The following TNRC6A variants were observed in gnomAD, a reference collection of about 807,000 sequenced individuals.
TNRC6A encodes the protein trinucleotide repeat containing adaptor 6A.
In TNRC6A, 44 loss-of-function variants were observed where a neutral mutation model predicts 221.2. The ratio of observed to expected loss-of-function variants is 0.20; its 90% CI spans 0.16 to 0.26. The LOEUF is 0.26. TNRC6A is among the 10% of genes least tolerant of loss of function. The pLI, the probability that TNRC6A is intolerant of heterozygous loss-of-function variation, is 1.00. For synonymous variants in TNRC6A, 847 were observed against 838.5 expected, an observed-to-expected ratio of 1.01 and a Z score of -0.18; for missense variants, 2,199 against 2,404.4, an observed-to-expected ratio of 0.91 and a Z score of 1.79.
At chr16:24,712,411 G>T (rs73548909) in intron 2 of TNRC6A, among the ~76,000 whole-genome samples, 11,933 of 152,230 alleles carry the variant, frequency 0.078, 1,119 homozygotes, top group East Asian at 0.35. Context: ...TTGGTAAATA[G>T]ATCATATGAC....
chr16:24,695,395 T>C (rs2055837609), intron 2 of TNRC6A, among the ~76,000 whole-genome samples: 1 of 152,082 alleles, frequency 6.6e-6, no homozygotes, highest in African/African-American at 2.4e-5. Flanking sequence ...TTTATACATA[T>C]ATATATTTTT....
At chr16:24,641,843 T>C (rs960154037) in intron 2 of TNRC6A, among the ~76,000 whole-genome samples, 1 of 152,256 alleles carries the variant, frequency 6.6e-6, no homozygotes, top group Non-Finnish European at 1.5e-5. Context: ...ATACATCAAG[T>C]GAATTAAACA....
intron 2 of TNRC6A, among the ~76,000 whole-genome samples, chr16:24,675,698 CTCTCTATATATATATATATATATA>C (rs1426818651): frequency 3.0e-5 from 2 of 66,600 alleles, no homozygotes; most frequent in African/African-American, 6.3e-5. Flanking sequence ...CTCTCTCTCT[CTCTCTATATATATATATATATATA>C]TATATATATA....
In TNRC6A at chr16:24,815,306, G is replaced by C; in HGVS notation, c.4831+1G>C. The C allele has an allele frequency of 6.2e-7, 1 of 1,614,094 alleles. No individual in the cohort carries two copies. The highest frequency in any genetic ancestry group is 8.5e-7 in the Non-Finnish European group (1 of 1,179,960). On this transcript the variant is annotated splice_donor_variant, in intron 19 of 24. Coordinates refer to ENST00000395799, the MANE Select transcript of TNRC6A (RefSeq NM_014494.4). LOFTEE classifies it high-confidence loss of function. ...TCTAGCAGTGTTAATTGGCCACCAG[G>C]TAAAATTTTTTCTAACACTTTCTTT...
At chr16:24,758,082 G>A (rs979104650) in intron 3 of TNRC6A, among the ~76,000 whole-genome samples, 5 of 152,170 alleles carry the variant, frequency 3.3e-5, no homozygotes, top group African/African-American at 9.7e-5. Context: ...GTCATACAGT[G>A]ATGTCTTCTA....
At chr16:24,641,477 C>T (rs960186487) in intron 2 of TNRC6A, among the ~76,000 whole-genome samples, 4 of 152,002 alleles carry the variant, frequency 2.6e-5, no homozygotes, top group Non-Finnish European at 4.4e-5. Flanking sequence ...CTGCTGGATC[C>T]GTATGGCATC....
chr16:24,790,572 ACTG>A lies in TNRC6A; in HGVS notation c.1931_1933del (p.Thr644_Glu645delinsLys). ...GACGTTTACAAATGGATGGAAATCT[ACTG>A]AGGAAGAGGATCAGGGTTCTGCCAC... On this transcript the variant is annotated inframe_deletion, in exon 6 of 25. Transcript: ENST00000395799. 6.2e-7 allele frequency: 1 copy of A among 1,614,252 alleles called. No individual in the cohort carries two copies. Among genetic ancestry groups the A allele is most frequent in the Non-Finnish European group, 8.5e-7 (1 of 1,180,052 alleles).
In TNRC6A at chr16:24,823,829, G is replaced by T. The variant is rs980334569; in HGVS notation, c.*22G>T. The T allele has an allele frequency of 7.3e-7, 1 of 1,372,388 alleles. No individual in the cohort carries two copies. Among genetic ancestry groups the T allele is most frequent in the Non-Finnish European group, 9.5e-7 (1 of 1,058,082 alleles). The allele number at this position is 1,372,388 out of a possible 1,614,324, so 85.0% of individuals were successfully genotyped here. A position where few individuals can be genotyped will look rare whatever the true frequency, so the allele number is the denominator to read the frequency against. Reference sequence around the variant, plus strand: ...GTAACAGTGTAGATGCAGACTCACCGACCGGGACCTCAGACGCGAGGGAAA... The same window carrying T: ...GTAACAGTGTAGATGCAGACTCACCTACCGGGACCTCAGACGCGAGGGAAA... On this transcript the variant is annotated 3_prime_UTR_variant, in exon 25 of 25. Coordinates refer to ENST00000395799, the MANE Select transcript of TNRC6A (RefSeq NM_014494.4). This position sits in a 1 kb window ranked among gnomAD's most constrained non-coding sequence, Gnocchi z 4.3.
chr16:24,714,543 G>A (rs1004346592), intron 2 of TNRC6A, among the ~76,000 whole-genome samples: 3 of 152,076 alleles, frequency 2.0e-5, no homozygotes, highest in Admixed American at 1.3e-4. Context: ...CTGACCTGGT[G>A]ATCTACCTGC....
At chr16:24,617,873 T>A (rs1596539868) in intron 1 of TNRC6A, among the ~76,000 whole-genome samples, 1 of 152,170 alleles carries the variant, frequency 6.6e-6, no homozygotes, top group Admixed American at 6.6e-5. Context: ...TATCTATGCC[T>A]CTTAATTTGA....
intron 2 of TNRC6A, among the ~76,000 whole-genome samples, chr16:24,658,165 T>C (rs2054957073): frequency 6.6e-6 from 1 of 152,196 alleles, no homozygotes; most frequent in Non-Finnish European, 1.5e-5. Context: ...GGTGGGAAGC[T>C]GGTTAACATT....
intron 2 of TNRC6A, among the ~76,000 whole-genome samples, chr16:24,681,537 T>C (rs978073562): frequency 6.6e-6 from 1 of 152,218 alleles, no homozygotes; most frequent in African/African-American, 2.4e-5. Flanking sequence ...CTAACCTGTT[T>C]TTTTTCTATT....
intron 4 of TNRC6A, among the ~76,000 whole-genome samples, chr16:24,768,432 CAA>C (rs35193077): frequency 9.0e-5 from 8 of 89,178 alleles, no homozygotes; most frequent in African/African-American, 1.4e-4. Context: ...GACTCTGTCT[CAA>C]AAAAAAAAAA....
At chr16:24,765,569 A>G (rs953733622) in intron 4 of TNRC6A, among the ~76,000 whole-genome samples, 1 of 152,132 alleles carries the variant, frequency 6.6e-6, no homozygotes, top group African/African-American at 2.4e-5. Flanking sequence ...GTGGTTTTTT[A>G]TGAGATATTT....
intron 2 of TNRC6A, among the ~76,000 whole-genome samples, chr16:24,736,808 C>G (rs1158527520): frequency 6.6e-6 from 1 of 152,026 alleles, no homozygotes; most frequent in Non-Finnish European, 1.5e-5. Flanking sequence ...TGGTTTAAAC[C>G]GAGATGTAAT....
rs563282310 is a variant in TNRC6A at position 24,757,133 on chromosome 16, A to AT, written c.142-1196dup. On this transcript the variant is annotated intron_variant, in intron 3 of 24. Coordinates refer to ENST00000395799, the MANE Select transcript of TNRC6A (RefSeq NM_014494.4). Reference sequence around the variant, plus strand: ...TGTTTGGCATTGTCTTTCCATCAAAATTTTTTTTTTCATTTAAATTTTGAT... The same window carrying AT: ...TGTTTGGCATTGTCTTTCCATCAAAATTTTTTTTTTTCATTTAAATTTTGAT... Among the ~76,000 whole-genome samples the AT allele has an allele frequency of 5.4e-3, 815 of 150,324 alleles. 4 individuals are homozygous for AT. Among genetic ancestry groups the AT allele is most frequent in the Admixed American group, 7.2e-3 (109 of 15,066 alleles).
chr16:24,748,114 T>C (rs1319142230), intron 2 of TNRC6A, among the ~76,000 whole-genome samples: 2 of 152,188 alleles, frequency 1.3e-5, no homozygotes, highest in African/African-American at 4.8e-5. Context: ...ATTGAGTGCT[T>C]ACTAGATAAG....
At chr16:24,708,244 G>GTT (rs778579144) in intron 2 of TNRC6A, among the ~76,000 whole-genome samples, 180 of 138,512 alleles carry the variant, frequency 1.3e-3, no homozygotes, top group Non-Finnish European at 2.1e-3. Context: ...ACATGGATGA[G>GTT]TTTTTTTTTT....
rs551653136 is a variant in TNRC6A, at chr16:24,696,474, T to G, written n.403-54252T>G. Among the ~76,000 whole-genome samples the G allele has an allele frequency of 5.2e-4, 79 of 151,994 alleles. 1 individual carries two copies. The highest frequency in any genetic ancestry group is 8.8e-4 in the Non-Finnish European group (60 of 67,966). On this transcript the variant is annotated intron_variant and non_coding_transcript_variant, in intron 2 of 2. Coordinates refer to the TNRC6A transcript ENST00000566108. ...GGCCAGGCAAAGCAGCTTACGCCTG[T>G]AATCCTAGTACACTGGGAGGCTAAG...
Sources: gnomAD v4.1 joint callset for allele counts (sites outside exome capture counted in the v4.1 genomes callset) on GRCh38, gnomAD v4.1.1 for gene constraint, Gnocchi (gnomAD v3.1) non-coding constraint, MANE v1.5 for transcripts, NCBI Gene and HGNC (gene_info 2026-07-23, HGNC 2026-07-21) for gene names.